Variants in RRBP1 observed in about 807,000 individuals in gnomAD.
The protein encoded by RRBP1 is ribosome binding protein 1.
In RRBP1, 94 loss-of-function variants were observed where a neutral mutation model predicts 165.2. That is an observed-to-expected ratio of 0.57 (90% CI 0.48 to 0.68). The LOEUF (loss-of-function observed/expected upper bound fraction) is 0.68, where lower values mean the gene tolerates loss of function less well. Among genes scored for constraint, RRBP1 ranks in the 30% least tolerant of loss-of-function variants. RRBP1 has a pLI of 0.00. For synonymous variants in RRBP1, 680 were observed against 714.5 expected (o/e 0.95, Z 0.77); for missense variants, 1,676 against 1,763.0 (o/e 0.95, Z 0.88).
chr20:17,647,268 A>G (rs1225794436), intron 3 of RRBP1, among the ~76,000 whole-genome samples: 1 of 152,266 alleles, frequency 6.6e-6, no homozygotes, highest in Non-Finnish European at 1.5e-5. Flanking sequence ...GCCATAAGGC[A>G]GAAGAGTGAC....
intron 1 of RRBP1, among the ~76,000 whole-genome samples, chr20:17,680,276 G>A (rs1038962533): frequency 6.6e-6 from 1 of 152,204 alleles, no homozygotes; most frequent in Non-Finnish European, 1.5e-5. Context: ...TGCACAGGGC[G>A]GGGTAACATT....
At position 17,641,818 on chromosome 20, in the gene RRBP1, G is replaced by A; in HGVS notation, c.2163C>T (p.Ser721=). 6.2e-7 allele frequency: 1 copy of A among 1,613,498 alleles called. No individual in the cohort carries two copies. The highest frequency in any genetic ancestry group is 1.1e-5 in the South Asian group (1 of 91,060). Reference sequence around the variant, plus strand: ...GTACCTTGTTGAGCTCCCTCAGTTTGCTCTTGGCGACAGCCGCATCTTCCT... The same window carrying A: ...GTACCTTGTTGAGCTCCCTCAGTTTACTCTTGGCGACAGCCGCATCTTCCT... The part of the protein sequence containing the change: ...TEQEDAAVAK[S]KLRELNKEMA... Residue 721 remains serine, a synonymous_variant, in exon 5 of 25, where the codon AGC becomes AGT. Coordinates refer to ENST00000377813, the MANE Select transcript of RRBP1 (RefSeq NM_001365613.2).
At chr20:17,655,346 C>A (rs2036627677) in intron 3 of RRBP1, among the ~76,000 whole-genome samples, 1 of 152,204 alleles carries the variant, frequency 6.6e-6, no homozygotes, top group Non-Finnish European at 1.5e-5. Context: ...AAAACTACTA[C>A]TACATTGAAG....
intron 5 of RRBP1, among the ~76,000 whole-genome samples, chr20:17,641,013 T>A (rs1568769451): frequency 6.6e-6 from 1 of 152,098 alleles, no homozygotes. Context: ...CGGTGCTGCA[T>A]GGGGCAAAGA....
rs769158628 is a variant in RRBP1 at position 17,620,489 on chromosome 20, C to T, written c.3508-119G>A. On this transcript the variant is annotated intron_variant, in intron 17 of 24. Transcript: ENST00000377813. ...TAGGAAGCCCCGGGGGTGCCCACTC[C>T]GCCCAGCTGGGACGGTCACCCTGGC... is the stretch of plus-strand genomic sequence containing the variant. 5.5e-5 allele frequency: 54 copies of T among 973,140 alleles called. 2 individuals are homozygous for T. The highest frequency in any genetic ancestry group is 1.3e-4 in the South Asian group (10 of 77,590). The allele number at this position is 973,140 out of a possible 1,614,324, so 60.3% of individuals were successfully genotyped here.
At chr20:17,638,413 C>T (rs2036286452) in intron 5 of RRBP1, among the ~76,000 whole-genome samples, 1 of 152,210 alleles carries the variant, frequency 6.6e-6, no homozygotes, top group Admixed American at 6.5e-5. Context: ...CCTGGAGACA[C>T]CCTTCCCAGC....
rs969284790 is a variant in RRBP1, at chr20:17,641,720, G to T, written c.2184+77C>A. The T allele has an allele frequency of 3.2e-6, 5 of 1,559,890 alleles. No individual in the cohort carries two copies. In the African/African-American group the frequency reaches 6.8e-5, roughly 21 times the overall value. On this transcript the variant is annotated intron_variant, in intron 5 of 24. Transcript: ENST00000377813. ...GCAGGCCCCAGCATCTCGGAGCCCG[G>T]GATCCACCGTGGATGGGGCGGGGGT...
chr20:17,644,522 G>A (rs1220362125), intron 3 of RRBP1, among the ~76,000 whole-genome samples: 1 of 152,214 alleles, frequency 6.6e-6, no homozygotes, highest in African/African-American at 2.4e-5. Context: ...GCCTGCAGGT[G>A]CGTGTCTACT....
intron 2 of RRBP1, among the ~76,000 whole-genome samples, chr20:17,665,328 T>C (rs1173456734): frequency 1.3e-5 from 2 of 152,236 alleles, no homozygotes; most frequent in African/African-American, 4.8e-5. Context: ...ATTTTTTGAC[T>C]AAACTTTGTG....
intron 2 of RRBP1, among the ~76,000 whole-genome samples, chr20:17,674,430 G>A (rs1443231426): frequency 1.3e-5 from 2 of 151,940 alleles, no homozygotes; most frequent in Non-Finnish European, 2.9e-5. Context: ...CTAGCACGAT[G>A]AGGACTGACC....
At chr20:17,639,807 C>T (rs1387519806) in intron 5 of RRBP1, among the ~76,000 whole-genome samples, 9 of 150,832 alleles carry the variant, frequency 6.0e-5, no homozygotes, top group African/African-American at 9.7e-5. Context: ...ACAGGAGAAT[C>T]GCTTGAACCC....
chr20:17,657,298 C>T (rs1226235479), intron 3 of RRBP1, among the ~76,000 whole-genome samples: 1 of 152,244 alleles, frequency 6.6e-6, no homozygotes, highest in Non-Finnish European at 1.5e-5. Flanking sequence ...CAGGAGCCTA[C>T]AGCCGCTCAC....
chr20:17,637,856 T>A (rs530506948), intron 5 of RRBP1, among the ~76,000 whole-genome samples: 1 of 152,002 alleles, frequency 6.6e-6, no homozygotes, highest in Admixed American at 6.5e-5. Context: ...GCTACAGAAG[T>A]GGGGGGCGGG....
chr20:17,619,786 C>T, intron 18 of RRBP1, 58 bp from the exon 19 acceptor site: 1 of 1,325,934 alleles, frequency 7.5e-7, no homozygotes, highest in African/African-American at 1.4e-5. Context: ...TCAAAGGGCA[C>T]TCACCTCAGG....
Position 17,621,790 on chromosome 20 carries a change from T to G in RRBP1, c.3241-17A>C. On this transcript the variant is annotated splice_polypyrimidine_tract_variant and intron_variant, in intron 14 of 24. Transcript: ENST00000377813. The stretch of plus-strand genomic sequence containing the variant: ...GGTGTAATTCTGCAATGAAACACAT[T>G]CGGTGAGACCCGGGGACATTCCCTG... 1 of 1,613,702 alleles carries G rather than the reference T, an allele frequency of 6.2e-7. No individual in the cohort carries two copies.
intron 2 of RRBP1, among the ~76,000 whole-genome samples, chr20:17,675,380 C>T (rs2037058669): frequency 1.3e-5 from 2 of 152,236 alleles, no homozygotes; most frequent in African/African-American, 2.4e-5. Flanking sequence ...GAATGGGCAC[C>T]TATTGCATGC....
At chr20:17,680,441 T>G (rs757530883) in intron 1 of RRBP1, among the ~76,000 whole-genome samples, 4 of 152,280 alleles carry the variant, frequency 2.6e-5, no homozygotes, top group Non-Finnish European at 5.9e-5. Flanking sequence ...CCCTGAAGGT[T>G]CCAGCACGCA....
chr20:17,651,279 T>C (rs969847047), intron 3 of RRBP1, among the ~76,000 whole-genome samples: 2 of 152,212 alleles, frequency 1.3e-5, no homozygotes, highest in Admixed American at 6.5e-5. Context: ...AAAACAAATC[T>C]TGTGGGCCTC....
chr20:17,650,277 T>C (rs2036531486), intron 3 of RRBP1, among the ~76,000 whole-genome samples: 1 of 152,206 alleles, frequency 6.6e-6, no homozygotes, highest in African/African-American at 2.4e-5. Context: ...CATGGACTTA[T>C]CTGACAACGT....
Sources: gnomAD v4.1 joint callset for allele counts (sites outside exome capture counted in the v4.1 genomes callset) on GRCh38, gnomAD v4.1.1 for gene constraint, MANE v1.5 for transcripts, NCBI Gene and HGNC (gene_info 2026-07-23, HGNC 2026-07-21) for gene names.